PCDHGB2: variants seen among roughly 807,000 people sequenced by gnomAD.
The protein encoded by PCDHGB2 is protocadherin gamma subfamily B, 2.
PCDHGB2 carries 55 observed loss-of-function variants against 59.3 expected under a neutral mutation model. The ratio of observed to expected loss-of-function variants is 0.93; its 90% CI spans 0.75 to 1.16. The LOEUF is 1.16. Among genes scored for constraint, PCDHGB2 ranks in the 50% most tolerant of loss-of-function variants. PCDHGB2 has a pLI of 0.00. For missense variants in PCDHGB2, 1,228 were observed against 1,198.5 expected (o/e 1.02, Z -0.36); for synonymous variants, 516 against 512.0 (o/e 1.01, Z -0.11).
chr5:141,447,164 G>T (rs2098528799), intron 1 of PCDHGB2, among the ~76,000 whole-genome samples: 1 of 151,766 alleles, frequency 6.6e-6, no homozygotes, highest in South Asian at 2.1e-4. Context: ...GTTTAAGCGG[G>T]GTCTTGCTCT....
chr5:141,410,091 G>C (rs778509378), intron 1 of PCDHGB2: 8 of 1,612,400 alleles, frequency 5.0e-6, no homozygotes, highest in South Asian at 1.1e-5. Context: ...CGCACGGCTC[G>C]AGCCTTAGGC....
intron 1 of PCDHGB2, chr5:141,383,550 C>A: frequency 6.2e-7 from 1 of 1,612,098 alleles, no homozygotes; most frequent in Non-Finnish European, 8.5e-7. Flanking sequence ...CCTCTGATGG[C>A]GGCGACCCGC....
At chr5:141,367,353 A>G (rs1305190265) in intron 1 of PCDHGB2, 2 of 152,196 alleles carry the variant, frequency 1.3e-5, no homozygotes, top group Non-Finnish European at 2.9e-5. Context: ...CCTGGCTAAC[A>G]CGGTGAAACC....
Position 141,383,923 on chromosome 5 carries a change from G to T in PCDHGB2, c.2421+21367G>T, listed in dbSNP as rs201582947. On this transcript the variant is annotated intron_variant, in intron 1 of 3. Coordinates refer to ENST00000522605, the MANE Select transcript of PCDHGB2 (RefSeq NM_018923.3). ...ACTGATCACAGTTTTAGATGTAAAT[G>T]ATAATGCTCCAGAAGTGACTATGAC... 169 of 1,613,826 alleles carry T rather than the reference G, an allele frequency of 1.0e-4. No homozygotes were observed. Among genetic ancestry groups the T allele is most frequent in the Non-Finnish European group, 1.3e-4 (156 of 1,179,886 alleles).
At chr5:141,506,682 C>T (rs1333272766) in intron 3 of PCDHGB2, among the ~76,000 whole-genome samples, 4 of 152,192 alleles carry the variant, frequency 2.6e-5, no homozygotes, top group African/African-American at 9.6e-5. Context: ...ATATTATTAT[C>T]TTTGCTGACC....
At chr5:141,363,183 T>C (rs6890708) in intron 1 of PCDHGB2, among the ~76,000 whole-genome samples, 3,287 of 152,342 alleles carry the variant, frequency 0.022, 57 homozygotes, top group Non-Finnish European at 0.033. Context: ...TTTTAACAAA[T>C]TGCTCTTAAG....
intron 1 of PCDHGB2, chr5:141,366,134 G>T: frequency 6.2e-6 from 10 of 1,614,204 alleles, no homozygotes; most frequent in Non-Finnish European, 8.5e-6. Context: ...AGGCCAGAAC[G>T]CCTGGCTGTC....
At chr5:141,368,943 C>G (rs1765943914) in intron 1 of PCDHGB2, among the ~76,000 whole-genome samples, 1 of 152,178 alleles carries the variant, frequency 6.6e-6, no homozygotes, top group South Asian at 2.1e-4. Context: ...ATTCTGGTTA[C>G]TGTGAGTAGT....
Position 141,485,208 on chromosome 5 carries a change from G to T in PCDHGB2, c.2422-9599G>T, listed in dbSNP as rs2099609377. On this transcript the variant is annotated intron_variant, in intron 1 of 3. Coordinates refer to ENST00000522605, the MANE Select transcript of PCDHGB2 (RefSeq NM_018923.3). This position sits in a 1 kb window ranked among gnomAD's most constrained non-coding sequence, Gnocchi z 5.7. ...AAGGTGAGAAGCTGGACAGAAATCT[G>T]GCGGTGGGCTACCCTTTTGTTCCTC... The T allele has an allele frequency of 6.2e-7, 1 of 1,613,998 alleles. No homozygotes were observed. The highest frequency in any genetic ancestry group is 1.3e-5 in the African/African-American group (1 of 74,930).
chr5:141,479,050 C>G (rs1484021560), intron 1 of PCDHGB2, among the ~76,000 whole-genome samples: 1 of 152,164 alleles, frequency 6.6e-6, no homozygotes, highest in South Asian at 2.1e-4. Context: ...ACCTCATTCT[C>G]AGATAATTTT....
At chr5:141,462,217 C>T (rs1469685983) in intron 1 of PCDHGB2, among the ~76,000 whole-genome samples, 1 of 152,216 alleles carries the variant, frequency 6.6e-6, no homozygotes, top group South Asian at 2.1e-4. Flanking sequence ...GCCTCGGCCT[C>T]CCAAAGTGCA....
intron 1 of PCDHGB2, among the ~76,000 whole-genome samples, chr5:141,464,935 T>A (rs1157718693): frequency 6.6e-6 from 1 of 151,882 alleles, no homozygotes; most frequent in African/African-American, 2.4e-5. Flanking sequence ...AGATGTGAGG[T>A]CTCACTATGT....
At chr5:141,488,932 A>G (rs2233598) in intron 1 of PCDHGB2, among the ~76,000 whole-genome samples, 31,368 of 152,090 alleles carry the variant, frequency 0.21, 3,372 homozygotes, top group Admixed American at 0.31. Flanking sequence ...GGATTGAGGA[A>G]ACTCCATAAT....
intron 1 of PCDHGB2, chr5:141,428,419 CTCTGT>C (rs2097138377): frequency 4.4e-6 from 2 of 451,802 alleles, no homozygotes; most frequent in African/African-American, 2.0e-5. Context: ...TCACCCTGGT[CTCTGT>C]TCTAAGACTA....
chr5:141,474,169 T>C (rs1268235616), intron 1 of PCDHGB2, among the ~76,000 whole-genome samples: 2 of 152,232 alleles, frequency 1.3e-5, no homozygotes, highest in Non-Finnish European at 2.9e-5. Context: ...GGCCTTATTA[T>C]TGAGAAAACT....
chr5:141,404,739 G>A, intron 1 of PCDHGB2: 1 of 1,614,092 alleles, frequency 6.2e-7, no homozygotes, highest in Non-Finnish European at 8.5e-7. Flanking sequence ...GCAGTGGACA[G>A]AGACTCAGGC....
intron 1 of PCDHGB2, chr5:141,413,757 G>C (rs2095674818): frequency 1.2e-6 from 2 of 1,612,920 alleles, no homozygotes; most frequent in African/African-American, 2.7e-5. Flanking sequence ...ATGGCGTCAA[G>C]TACCCGGAGC....
intron 1 of PCDHGB2, among the ~76,000 whole-genome samples, chr5:141,483,084 C>CA (rs898059463): frequency 8.0e-5 from 12 of 150,326 alleles, no homozygotes; most frequent in Admixed American, 2.0e-4. Context: ...GACTCCATCT[C>CA]AAAAAAAAAG....
chr5:141,477,932 C>G lies in PCDHGB2; in HGVS notation c.2422-16875C>G, dbSNP rs1193822505. The G allele has an allele frequency of 3.1e-6, 5 of 1,614,040 alleles. No individual in the cohort carries two copies. The highest frequency in any genetic ancestry group is 4.2e-6 in the Non-Finnish European group (5 of 1,180,042). On this transcript the variant is annotated intron_variant, in intron 1 of 3. Transcript: ENST00000522605. This position sits in a 1 kb window ranked among gnomAD's most constrained non-coding sequence, Gnocchi z 4.9. ...CGCGGATGCAGGGCACAATGCCTGG[C>G]TCTCCTACAGTCTCTTGGGATCCCC... is the stretch of plus-strand genomic sequence containing the variant.
Sources: gnomAD v4.1 joint callset for allele counts (sites outside exome capture counted in the v4.1 genomes callset) on GRCh38, gnomAD v4.1.1 for gene constraint, Gnocchi (gnomAD v3.1) non-coding constraint, MANE v1.5 for transcripts, NCBI Gene and HGNC (gene_info 2026-07-23, HGNC 2026-07-21) for gene names.